The following USP15 variants were observed in gnomAD, a reference collection of about 807,000 sequenced individuals.
USP15 encodes the protein ubiquitin carboxyl-terminal hydrolase 15.
In USP15, 18 loss-of-function variants were observed where a neutral mutation model predicts 127.1. The observed-to-expected ratio is 0.14, with a 90% confidence interval of 0.10 to 0.21. The LOEUF (loss-of-function observed/expected upper bound fraction) is 0.21. Among genes scored for constraint, USP15 ranks in the 10% least tolerant of loss-of-function variants. The pLI, the probability that USP15 is intolerant of heterozygous loss-of-function variation, is 1.00. For synonymous variants in USP15, 364 were observed against 393.7 expected, an observed-to-expected ratio of 0.92 and a Z score of 0.89; for missense variants, 805 against 1,159.9, an observed-to-expected ratio of 0.69 and a Z score of 4.44.
intron 8 of USP15, among the ~76,000 whole-genome samples, chr12:62,376,769 A>G (rs745660122): frequency 4.4e-4 from 67 of 152,220 alleles, no homozygotes; most frequent in Non-Finnish European, 8.7e-4. Flanking sequence ...ATTGAGAGTA[A>G]GAGATATTCA....
At chr12:62,349,186 T>C in intron 6 of USP15, 35 bp from the exon 7 acceptor site, 1 of 1,248,526 alleles carries the variant, frequency 8.0e-7, no homozygotes, top group South Asian at 1.7e-5. Flanking sequence ...ATTCTTCATT[T>C]TTTTATCTAA....
Position 62,260,684 on chromosome 12 carries a change from C to G in USP15, c.89+181C>G, listed in dbSNP as rs143622432. ...CAAAGGTTGGACTCTAGATGAGGGT[C>G]AGGGTTCTTGGCTTGCCAGGGCATG... On this transcript the variant is annotated intron_variant, in intron 1 of 21. Coordinates refer to ENST00000280377, the MANE Select transcript of USP15 (RefSeq NM_001252078.2). Among the ~76,000 whole-genome samples the G allele has an allele frequency of 8.1e-4, 124 of 152,178 alleles. No homozygotes were observed. The Middle Eastern group carries it at 0.02, about 25-fold the overall frequency.
chr12:62,365,836 C>T (rs1324190939), intron 8 of USP15, among the ~76,000 whole-genome samples: 1 of 152,138 alleles, frequency 6.6e-6, no homozygotes, highest in Admixed American at 6.5e-5. Context: ...TTGTTTGTGT[C>T]AGGTTTGTCA....
Position 62,389,997 on chromosome 12 carries a change from C to T in USP15, c.1844+9C>T, listed in dbSNP as rs1248432042. 3 of 1,573,222 alleles carry T rather than the reference C, an allele frequency of 1.9e-6. No homozygotes were observed. The highest frequency in any genetic ancestry group is 2.6e-6 in the Non-Finnish European group (3 of 1,160,168). On this transcript the variant is annotated intron_variant, in intron 14 of 21. Coordinates refer to ENST00000280377, the MANE Select transcript of USP15 (RefSeq NM_001252078.2). Reference sequence around the variant, plus strand: ...CTGCTCTTGAGAATGTGGTAAGTGCCAGACAATTCTACATTGACAAAATAA... The same window carrying T: ...CTGCTCTTGAGAATGTGGTAAGTGCTAGACAATTCTACATTGACAAAATAA...
rs1271822887 is a variant in USP15, at chr12:62,401,281, T to C, written c.2763+6T>C. The C allele has an allele frequency of 3.1e-6, 5 of 1,605,066 alleles. No individual in the cohort carries two copies. The highest frequency in any genetic ancestry group is 4.3e-6 in the Non-Finnish European group (5 of 1,172,866). ...CATCTGAAGACCAAATTGTGGTAAG[T>C]TTGTCTTATATTTCCTGAGAACTAT... On this transcript the variant is annotated splice_donor_region_variant and intron_variant, in intron 21 of 21. Coordinates refer to ENST00000280377, the MANE Select transcript of USP15 (RefSeq NM_001252078.2).
chr12:62,294,841 A>G (rs1479475122), intron 2 of USP15, among the ~76,000 whole-genome samples: 3 of 152,204 alleles, frequency 2.0e-5, no homozygotes, highest in African/African-American at 4.8e-5. Flanking sequence ...GGAACAAAAC[A>G]TAAGTACCAG....
intron 8 of USP15, among the ~76,000 whole-genome samples, chr12:62,380,415 T>C (rs1424119096): frequency 6.6e-6 from 1 of 151,994 alleles, no homozygotes; most frequent in African/African-American, 2.4e-5. Flanking sequence ...GGCATGTAAG[T>C]TATCTGTGTG....
intron 8 of USP15, among the ~76,000 whole-genome samples, chr12:62,375,562 G>A (rs1429386869): frequency 6.6e-6 from 1 of 152,116 alleles, no homozygotes; most frequent in Non-Finnish European, 1.5e-5. Context: ...TATCAAGTTA[G>A]CCCAGAGAAA....
At chr12:62,293,940 T>C (rs1431832148) in intron 1 of USP15, among the ~76,000 whole-genome samples, 2 of 152,228 alleles carry the variant, frequency 1.3e-5, no homozygotes, top group East Asian at 3.8e-4. Context: ...TGAATACGTA[T>C]ATTTGTATTT....
Position 62,402,207 on chromosome 12 carries a change from A to G in USP15, c.2763+932A>G, listed in dbSNP as rs1486035489. 5.9e-5 allele frequency among the ~76,000 whole-genome samples: 9 copies of G among 152,006 alleles called. No individual in the cohort carries two copies. The East Asian group carries it at 1.3e-3, about 23-fold the overall frequency. ...GAGGTTGCCATGCATTTTAACAATG[A>G]TGATTCTTCATTTAGTCAACAAATT... On this transcript the variant is annotated intron_variant, in intron 21 of 21. Transcript: ENST00000280377.
At chr12:62,267,803 G>A (rs1463663618) in intron 1 of USP15, among the ~76,000 whole-genome samples, 1 of 152,144 alleles carries the variant, frequency 6.6e-6, no homozygotes, top group Admixed American at 6.5e-5. Flanking sequence ...AGAACATTTA[G>A]AGACAAAGTT....
intron 1 of USP15, among the ~76,000 whole-genome samples, chr12:62,280,404 A>G (rs1304895455): frequency 6.6e-6 from 1 of 152,216 alleles, no homozygotes; most frequent in African/African-American, 2.4e-5. Flanking sequence ...TAAGTGGCTT[A>G]AAAACAGCAA....
At chr12:62,336,435 G>A in intron 6 of USP15, 1 of 985,298 alleles carries the variant, frequency 1.0e-6, no homozygotes, top group Non-Finnish European at 1.2e-6. Context: ...CTCTTGTCTA[G>A]TTAGTCAGCA....
intron 8 of USP15, among the ~76,000 whole-genome samples, chr12:62,362,717 C>G (rs2066355852): frequency 6.6e-6 from 1 of 152,036 alleles, no homozygotes. Flanking sequence ...CTCATAATCA[C>G]TAATTATGCC....
chr12:62,396,326 C>T lies in USP15; in HGVS notation c.2602C>T (p.Pro868Ser). ...DLDMSEFLIN[P>S]NAGPCRYNLI... is the part of the protein sequence containing the mutation. ...GGATATGTCGGAATTCTTAATTAAT[C>T]CAAATGCAGGTCCTTGCCGCTATAA... The change falls in exon 20 of 22, where the codon CCA becomes TCA. Residue 868 changes from proline to serine, a missense_variant. Pro to Ser is a moderately conservative substitution (Grantham distance 74). This residue lies in a region of USP15 where 116 missense variants were observed against 157.2 expected (regional missense o/e 0.74). Coordinates refer to ENST00000280377, the MANE Select transcript of USP15 (RefSeq NM_001252078.2). 6.3e-7 allele frequency: 1 copy of T among 1,588,128 alleles called. No homozygotes were observed. Among genetic ancestry groups the T allele is most frequent in the Non-Finnish European group, 8.5e-7 (1 of 1,171,950 alleles).
intron 4 of USP15, among the ~76,000 whole-genome samples, chr12:62,319,655 T>G (rs1180593343): frequency 6.6e-6 from 1 of 151,482 alleles, no homozygotes; most frequent in Non-Finnish European, 1.5e-5. Context: ...TTACTACCCC[T>G]ATGCCTGTAA....
intron 1 of USP15, chr12:62,277,524 C>T (rs1445964741): frequency 6.6e-6 from 1 of 151,936 alleles, no homozygotes; most frequent in African/African-American, 2.4e-5. Context: ...AGAACACTTA[C>T]CATGAATGGA....
chr12:62,287,541 C>A (rs2063821982), intron 1 of USP15, among the ~76,000 whole-genome samples: 1 of 151,996 alleles, frequency 6.6e-6, no homozygotes, highest in Non-Finnish European at 1.5e-5. Flanking sequence ...TCAATTATTT[C>A]CTTTGCTGTA....
intron 20 of USP15, 48 bp downstream of exon 20, chr12:62,396,446 C>T: frequency 1.3e-6 from 2 of 1,501,908 alleles, no homozygotes; most frequent in Non-Finnish European, 1.9e-6. Context: ...GTTTGAAGAA[C>T]TCCAGACTTT....
Sources: gnomAD v4.1 joint callset for allele counts (sites outside exome capture counted in the v4.1 genomes callset) on GRCh38, gnomAD v4.1.1 for gene constraint, gnomAD v4.1.1 regional missense constraint, MANE v1.5 for transcripts, NCBI Gene and HGNC (gene_info 2026-07-23, HGNC 2026-07-21) for gene names.